Variants in OR3A1 observed in about 807,000 individuals in gnomAD.
The protein encoded by OR3A1 is olfactory receptor 3A1.
For missense variants in OR3A1, 402 were observed against 393.8 expected (o/e 1.02, Z -0.18); for synonymous variants, 145 against 160.0 (o/e 0.91, Z 0.71).
intron 1 of OR3A1, among the ~76,000 whole-genome samples, chr17:3,293,540 T>C (rs897168679): frequency 6.6e-6 from 1 of 152,170 alleles, no homozygotes; most frequent in African/African-American, 2.4e-5. Flanking sequence ...AAAACTCATG[T>C]CATTTAAGGA....
In OR3A1 at chr17:3,291,619, G is replaced by A. The variant is rs1654393812; in HGVS notation, c.*16C>T. On this transcript the variant is annotated 3_prime_UTR_variant, in exon 2 of 2. Coordinates refer to ENST00000323404, the MANE Select transcript of OR3A1 (RefSeq NM_002550.3). ...TTAGTACAAGACACAGGGAGAAAGG[G>A]TCAATTGAGACCTCCTCAAGCCAGT... 2 of 1,563,312 alleles carry A rather than the reference G, an allele frequency of 1.3e-6. No individual in the cohort carries two copies. Among genetic ancestry groups the A allele is most frequent in the South Asian group, 2.4e-5 (2 of 84,952 alleles).
Position 3,293,439 on chromosome 17 carries a change from C to A in OR3A1, c.-6-851G>T, listed in dbSNP as rs374671654. Among the ~76,000 whole-genome samples the A allele has an allele frequency of 3.2e-4, 48 of 152,270 alleles. 1 individual carries two copies. In the South Asian group the frequency reaches 8.9e-3, roughly 28 times the overall value. The stretch of plus-strand genomic sequence containing the variant: ...AAATAAAAGCTAAAATAATTTACCT[C>A]CAATTCTGAATCACAAGGTAGGTTC... On this transcript the variant is annotated intron_variant, in intron 1 of 1. Transcript: ENST00000323404.
In OR3A1 at chr17:3,292,311, C is replaced by A. The variant is rs372689671; in HGVS notation, c.272G>T (p.Arg91Leu). 9 of 1,614,102 alleles carry A rather than the reference C, an allele frequency of 5.6e-6. No homozygotes were observed. In the East Asian group the frequency reaches 1.8e-4, roughly 32 times the overall value. The change falls in exon 2 of 2, where the codon CGC becomes CTC. Residue 91 changes from arginine (R) to leucine (L), a missense_variant. Physicochemically the swap from Arg to Leu is moderately radical, Grantham distance 102. Coordinates refer to ENST00000323404, the MANE Select transcript of OR3A1 (RefSeq NM_002550.3). ...GGCCCCACAGGGAACTGCACGCTTGCGGGACAGGAGACGACTCAACATTGA... is the reference window on the plus strand; with the variant it reads ...GGCCCCACAGGGAACTGCACGCTTGAGGGACAGGAGACGACTCAACATTGA... ...VPSMLSRLLS[R>L]KRAVPCGACL...
At position 3,291,910 on chromosome 17, in the gene OR3A1, C is replaced by T. The variant is rs372898311; in HGVS notation, c.673G>A (p.Ala225Thr). 13 of 1,614,204 alleles carry T rather than the reference C, an allele frequency of 8.1e-6. No individual in the cohort carries two copies. Among genetic ancestry groups the T allele is most frequent in the African/African-American group, 1.3e-5 (1 of 75,060 alleles). The stretch of plus-strand genomic sequence containing the variant: ...GAGCGAATTCGCAGGACTGCAGCTG[C>T]CACGTGGATATAGGAGATGACAATG... The part of the protein sequence containing the change: ...ALIVISYIHV[A>T]AAVLRIRSVE... The change falls in exon 2 of 2, where the codon GCA becomes ACA. Residue 225 changes from alanine (A) to threonine (T), a missense_variant. Physicochemically the swap from Ala to Thr is moderately conservative, Grantham distance 58. Transcript: ENST00000323404.
rs757783340 is a variant in OR3A1 at position 3,291,634 on chromosome 17, C to T, written c.*1G>A. Reference sequence around the variant, plus strand: ...GGGAGAAAGGGTCAATTGAGACCTCCTCAAGCCAGTGACCGCCTCCCTGTG... The same window carrying T: ...GGGAGAAAGGGTCAATTGAGACCTCTTCAAGCCAGTGACCGCCTCCCTGTG... On this transcript the variant is annotated 3_prime_UTR_variant, in exon 2 of 2. Coordinates refer to ENST00000323404, the MANE Select transcript of OR3A1 (RefSeq NM_002550.3). The T allele has an allele frequency of 3.8e-6, 6 of 1,592,734 alleles. No homozygotes were observed. Among genetic ancestry groups the T allele is most frequent in the Non-Finnish European group, 5.2e-6 (6 of 1,164,660 alleles).
rs942252169 is a variant in OR3A1 at position 3,291,087 on chromosome 17, CCT to C, written c.*546_*547del. 6.6e-6 allele frequency: 1 copy of C among 152,306 alleles called. No homozygotes were observed. Among genetic ancestry groups the C allele is most frequent in the African/African-American group, 2.4e-5 (1 of 41,430 alleles). 9.4% of individuals were successfully genotyped at this position (152,306 alleles called of 1,614,324 possible). ...TAATCATACAGCTTCCCCTCTGTCC[CCT>C]GTCTATGCTATGGGGTCCTTGTTTA... On this transcript the variant is annotated 3_prime_UTR_variant, in exon 2 of 2. Transcript: ENST00000323404.
At chr17:3,295,933 G>GA (rs569954944) in intron 1 of OR3A1, among the ~76,000 whole-genome samples, 41 of 152,102 alleles carry the variant, frequency 2.7e-4, no homozygotes, top group Non-Finnish European at 3.4e-4. Flanking sequence ...TGTTCAAAGA[G>GA]AAATAGTCAG....
intron 1 of OR3A1, among the ~76,000 whole-genome samples, chr17:3,294,072 G>A (rs2855672): frequency 0.67 from 101,790 of 151,828 alleles, 35,299 homozygotes; most frequent in East Asian, 1. Flanking sequence ...TTACCTATGT[G>A]ACAAACCTGC....
intron 1 of OR3A1, among the ~76,000 whole-genome samples, chr17:3,295,417 T>C (rs1416826033): frequency 1.3e-5 from 2 of 152,034 alleles, no homozygotes; most frequent in African/African-American, 4.8e-5. Flanking sequence ...AAACAGAGTA[T>C]TGGAACTCTA....
At chr17:3,297,314 A>G (rs1163324950) in intron 1 of OR3A1, among the ~76,000 whole-genome samples, 1 of 152,224 alleles carries the variant, frequency 6.6e-6, no homozygotes, top group Non-Finnish European at 1.5e-5. Context: ...ATTCCCTTAC[A>G]TATTAAGTAA....
chr17:3,298,230 A>G (rs542225224), intron 1 of OR3A1, 53 bp downstream of exon 1: 21 of 152,354 alleles, frequency 1.4e-4, no homozygotes, highest in African/African-American at 4.8e-4. Flanking sequence ...TATGTTTCCA[A>G]GAAGCCTGTC....
In OR3A1 at chr17:3,291,621, C is replaced by A; in HGVS notation, c.*14G>T. 6.4e-7 allele frequency: 1 copy of A among 1,566,602 alleles called. No homozygotes were observed. The highest frequency in any genetic ancestry group is 1.2e-5 in the South Asian group (1 of 85,180). ...AGTACAAGACACAGGGAGAAAGGGT[C>A]AATTGAGACCTCCTCAAGCCAGTGA... On this transcript the variant is annotated 3_prime_UTR_variant, in exon 2 of 2. Coordinates refer to ENST00000323404, the MANE Select transcript of OR3A1 (RefSeq NM_002550.3).
chr17:3,293,563 T>C, intron 1 of OR3A1, among the ~76,000 whole-genome samples: 1 of 152,026 alleles, frequency 6.6e-6, no homozygotes, highest in Admixed American at 6.6e-5. Context: ...AAAACAAACC[T>C]GCACATCATA....
At chr17:3,297,978 C>G (rs547103301) in intron 1 of OR3A1, among the ~76,000 whole-genome samples, 40 of 151,952 alleles carry the variant, frequency 2.6e-4, no homozygotes, top group Middle Eastern at 6.8e-3. Flanking sequence ...CTTTGTTGTT[C>G]TTCTTTTTTA....
At chr17:3,298,129 T>C (rs1179153882) in intron 1 of OR3A1, among the ~76,000 whole-genome samples, 154 bp downstream of exon 1, 1 of 152,086 alleles carries the variant, frequency 6.6e-6, no homozygotes, top group African/African-American at 2.4e-5. Flanking sequence ...TTAGGAATGG[T>C]AGACCCTATG....
chr17:3,297,376 G>T (rs1351511569), intron 1 of OR3A1, among the ~76,000 whole-genome samples: 2 of 152,124 alleles, frequency 1.3e-5, no homozygotes, highest in African/African-American at 2.4e-5. Flanking sequence ...AACTCAGGTT[G>T]TAAGGTTTTA....
At position 3,292,238 on chromosome 17, in the gene OR3A1, G is replaced by C. The variant is rs776809041; in HGVS notation, c.345C>G (p.Cys115Trp). ...FFFHLFVGVD[C>W]FLLTAMAYDR... ...CATAGGCCATGGCGGTCAGCAGGAA[G>C]CAGTCCACTCCAACGAACAGATGGA... Residue 115 changes from cysteine (C) to tryptophan (W), a missense_variant, in exon 2 of 2, where the codon TGC becomes TGG. Transcript: ENST00000323404. The C allele has an allele frequency of 6.2e-7, 1 of 1,614,166 alleles. No homozygotes were observed. Among genetic ancestry groups the C allele is most frequent in the Non-Finnish European group, 8.5e-7 (1 of 1,180,024 alleles).
At chr17:3,298,213 A>G (rs1567546465) in intron 1 of OR3A1, 70 bp downstream of exon 1, 2 of 152,174 alleles carry the variant, frequency 1.3e-5, no homozygotes, top group Non-Finnish European at 2.9e-5. Context: ...TAGGATGAAC[A>G]CTGGTCTATG....
intron 1 of OR3A1, 44 bp downstream of exon 1, chr17:3,298,239 T>C (rs1163424457): frequency 1.3e-5 from 2 of 152,052 alleles, no homozygotes; most frequent in African/African-American, 4.8e-5. Flanking sequence ...AAGAAGCCTG[T>C]CTTACACAGG....
Sources: gnomAD v4.1 joint callset for allele counts (sites outside exome capture counted in the v4.1 genomes callset) on GRCh38, gnomAD v4.1.1 for gene constraint, MANE v1.5 for transcripts, NCBI Gene and HGNC (gene_info 2026-07-23, HGNC 2026-07-21) for gene names.